Variants in ZBED4 observed in about 807,000 individuals in gnomAD.
ZBED4 encodes the protein zinc finger BED-type containing 4, also known as zinc finger BED domain-containing protein 4.
ZBED4 carries 4 observed loss-of-function variants against 15.5 expected under a neutral mutation model. That is an observed-to-expected ratio of 0.26 (90% CI 0.13 to 0.59). The LOEUF is 0.59. Ranked by LOEUF, ZBED4 falls within the 20% of genes least tolerant of loss-of-function variation. The pLI is 0.90. For missense variants in ZBED4, 1,323 were observed against 1,461.8 expected, an observed-to-expected ratio of 0.91 and a Z score of 1.55; for synonymous variants, 692 against 608.5, an observed-to-expected ratio of 1.14 and a Z score of -2.02.
intron 1 of ZBED4, among the ~76,000 whole-genome samples, chr22:49,871,995 CG>C (rs2060350681): frequency 6.6e-6 from 1 of 152,076 alleles, no homozygotes; most frequent in Non-Finnish European, 1.5e-5. Context: ...CCGCCTGCCT[CG>C]GCCTACCAAA....
intron 1 of ZBED4, among the ~76,000 whole-genome samples, chr22:49,875,569 CA>C (rs1196698802): frequency 6.6e-6 from 1 of 151,660 alleles, no homozygotes; most frequent in Non-Finnish European, 1.5e-5. Context: ...TACAGGTGCG[CA>C]CCACCACGCC....
upstream of ZBED4, chr22:49,853,705 G>T (rs140796308): frequency 1.3e-5 from 2 of 150,994 alleles, no homozygotes; most frequent in African/African-American, 4.9e-5. Flanking sequence ...CCGGGCCTCC[G>T]GCGCTCCGTC....
chr22:49,869,593 C>CTCCTGAT (rs1381818063), intron 1 of ZBED4, among the ~76,000 whole-genome samples: 1 of 152,192 alleles, frequency 6.6e-6, no homozygotes, highest in Non-Finnish European at 1.5e-5. Context: ...ATTCCTCTGT[C>CTCCTGAT]TCCTGATTTA....
intron 1 of ZBED4, among the ~76,000 whole-genome samples, chr22:49,870,505 T>G (rs1312926109): frequency 1.3e-5 from 2 of 152,210 alleles, no homozygotes; most frequent in Non-Finnish European, 2.9e-5. Flanking sequence ...TTTCTTTTTT[T>G]AATAAAAGCC....
At chr22:49,876,552 C>T (rs1162748807) in intron 1 of ZBED4, among the ~76,000 whole-genome samples, 1 of 152,084 alleles carries the variant, frequency 6.6e-6, no homozygotes. Context: ...ATTCTTAAAT[C>T]TTTACCCGGT....
intron 1 of ZBED4, among the ~76,000 whole-genome samples, chr22:49,869,034 G>C (rs1426030945): frequency 6.7e-6 from 1 of 150,172 alleles, no homozygotes; most frequent in Non-Finnish European, 1.5e-5. Context: ...TGAGGCAGGA[G>C]AATCACTTGA....
At chr22:49,853,583 C>G (rs2060260523), upstream of ZBED4, among the ~76,000 whole-genome samples, 1 of 152,068 alleles carries the variant, frequency 6.6e-6, no homozygotes, top group African/African-American at 2.4e-5. Context: ...CTTCCCGTCG[C>G]CCGCCAGCGC....
chr22:49,884,986 G>A lies in ZBED4; in HGVS notation c.1324G>A (p.Glu442Lys), dbSNP rs2060429764. 7 of 1,613,558 alleles carry A rather than the reference G, an allele frequency of 4.3e-6. No individual in the cohort carries two copies. Among genetic ancestry groups the A allele is most frequent in the Non-Finnish European group, 5.9e-6 (7 of 1,179,682 alleles). Reference sequence around the variant, plus strand: ...TGATGGGCTGAGTCCTAGATTGTTTGAATCTGGCGCCATCTTCCAGCAGAA... The same window carrying A: ...TGATGGGCTGAGTCCTAGATTGTTTAAATCTGGCGCCATCTTCCAGCAGAA... ...QADGLSPRLF[E>K]SGAIFQQNKK... The change falls in exon 2 of 2, where the codon GAA becomes AAA. Residue 442 changes from glutamate (E) to lysine (K), a missense_variant. Coordinates refer to ENST00000216268, the MANE Select transcript of ZBED4 (RefSeq NM_014838.3).
intron 1 of ZBED4, among the ~76,000 whole-genome samples, chr22:49,875,569 C>T (rs574935884): frequency 7.3e-4 from 111 of 151,778 alleles, no homozygotes; most frequent in Non-Finnish European, 1.1e-3. Flanking sequence ...TACAGGTGCG[C>T]ACCACCACGC....
chr22:49,868,949 T>TA (rs2060333296), intron 1 of ZBED4, among the ~76,000 whole-genome samples: 1 of 69,782 alleles, frequency 1.4e-5, no homozygotes, highest in Non-Finnish European at 2.7e-5. Context: ...CTGTCTCTAC[T>TA]AAAAATACAA....
At position 49,886,464 on chromosome 22, in the gene ZBED4, C is replaced by T; in HGVS notation, c.2802C>T (p.Cys934=). The change falls in exon 2 of 2, where the codon TGC becomes TGT. Residue 934 remains cysteine, a synonymous_variant. Coordinates refer to ENST00000216268, the MANE Select transcript of ZBED4 (RefSeq NM_014838.3). The surrounding 1 kb of genome is among the most constrained non-coding windows in gnomAD (Gnocchi z 7.7). ...CDQWEVMQSV[C]RALKPFEAAS... ...AGTGGGAGGTCATGCAGTCCGTGTG[C>T]CGTGCGCTAAAGCCCTTCGAGGCTG... 1 of 1,572,984 alleles carries T rather than the reference C, an allele frequency of 6.4e-7. No individual in the cohort carries two copies. The highest frequency in any genetic ancestry group is 8.6e-7 in the Non-Finnish European group (1 of 1,157,696).
chr22:49,889,462 GTTTT>G lies in ZBED4; in HGVS notation c.*2289_*2292del, dbSNP rs928822465. The G allele has an allele frequency of 7.2e-5, 12 of 166,932 alleles. No individual in the cohort carries two copies. The highest frequency in any genetic ancestry group is 1.9e-4 in the African/African-American group (8 of 41,470). 10.3% of individuals were successfully genotyped at this position (166,932 alleles called of 1,614,324 possible). On this transcript the variant is annotated 3_prime_UTR_variant, in exon 2 of 2. Coordinates refer to ENST00000216268, the MANE Select transcript of ZBED4 (RefSeq NM_014838.3). ...CCTTGAGCTAGCCTGCCTTTATGGG[GTTTT>G]TTTTGTTTGTTTTTTTAAGCTTTCA...
intron 1 of ZBED4, among the ~76,000 whole-genome samples, chr22:49,855,248 C>T (rs2060270065): frequency 6.6e-6 from 1 of 152,120 alleles, no homozygotes; most frequent in African/African-American, 2.4e-5. Context: ...CTTGAAAAAG[C>T]TTCAGAGGCC....
intron 1 of ZBED4, among the ~76,000 whole-genome samples, chr22:49,878,951 T>C (rs192227188): frequency 9.7e-4 from 148 of 151,872 alleles, no homozygotes; most frequent in Admixed American, 3.0e-3. Context: ...GAGACCATCG[T>C]GGCCAACATG....
At chr22:49,865,474 C>T (rs2060318170) in intron 1 of ZBED4, among the ~76,000 whole-genome samples, 1 of 151,866 alleles carries the variant, frequency 6.6e-6, no homozygotes, top group Admixed American at 6.6e-5. Flanking sequence ...CATGGTGAAA[C>T]CCCGTCTCTA....
rs778585398 is a variant in ZBED4, at chr22:49,884,341, G to C, written c.679G>C (p.Val227Leu). The C allele has an allele frequency of 3.1e-6, 5 of 1,613,428 alleles. No individual in the cohort carries two copies. The African/African-American group carries it at 6.7e-5, about 22-fold the overall frequency. Residue 227 changes from valine to leucine, a missense_variant, in exon 2 of 2, where the codon GTG (valine) becomes CTG (leucine). Val to Leu is a conservative substitution (Grantham distance 32). Around this residue, in one of 6 missense-constraint regions of ZBED4, gnomAD observed 380 missense variants for 413.7 expected, o/e 0.92. Transcript: ENST00000216268. ...CCCCGATCGAATAACAGAGGAGTCT[G>C]TGTCTGTAGTTTCTTCTGAAGAAAT... ...PSPDRITEES[V>L]SVVSSEEISS... is the part of the protein sequence containing the mutation.
At chr22:49,877,811 G>A (rs751448093) in intron 1 of ZBED4, among the ~76,000 whole-genome samples, 30 of 151,950 alleles carry the variant, frequency 2.0e-4, no homozygotes, top group East Asian at 5.8e-4. Context: ...TCTGCCCCTC[G>A]TGGCCCCTCC....
intron 1 of ZBED4, among the ~76,000 whole-genome samples, chr22:49,879,521 T>C (rs1299101864): frequency 2.0e-5 from 3 of 151,662 alleles, no homozygotes; most frequent in Non-Finnish European, 2.9e-5. Context: ...TTCATGTCCT[T>C]GTCCACTAAT....
chr22:49,861,894 G>A (rs906887977), intron 1 of ZBED4, among the ~76,000 whole-genome samples: 3 of 152,148 alleles, frequency 2.0e-5, no homozygotes, highest in South Asian at 2.1e-4. Context: ...TGTTCGTAGC[G>A]TGTGGTTGCT....
Sources: gnomAD v4.1 joint callset for allele counts (sites outside exome capture counted in the v4.1 genomes callset) on GRCh38, gnomAD v4.1.1 for gene constraint, gnomAD v4.1.1 regional missense constraint, Gnocchi (gnomAD v3.1) non-coding constraint, MANE v1.5 for transcripts, NCBI Gene and HGNC (gene_info 2026-07-23, HGNC 2026-07-21) for gene names.